EYS: variants seen among roughly 807,000 people sequenced by gnomAD.
The protein encoded by EYS is EGF-like photoreceptor maintenance factor, also known as protein eyes shut homolog.
EYS carries 250 observed loss-of-function variants against 282.1 expected under a neutral mutation model. That is an observed-to-expected ratio of 0.89 (90% CI 0.80 to 0.98). The LOEUF (loss-of-function observed/expected upper bound fraction) is 0.98, where lower values mean the gene tolerates loss of function less well. EYS is among the 50% of genes least tolerant of loss of function. The probability of loss-of-function intolerance (pLI) is 0.00; values close to 1 mark genes in which losing one functional copy is unlikely to be tolerated. For synonymous variants in EYS, 1,355 were observed against 1,282.9 expected, an observed-to-expected ratio of 1.06 and a Z score of -1.20; for missense variants, 4,016 against 3,709.0, an observed-to-expected ratio of 1.08 and a Z score of -2.15.
At chr6:65,249,435 T>G (rs1767261854) in intron 12 of EYS, among the ~76,000 whole-genome samples, 1 of 151,912 alleles carries the variant, frequency 6.6e-6, no homozygotes, top group Admixed American at 6.6e-5. Context: ...CAACTCCCAG[T>G]CCAGTATTTC....
intron 40 of EYS, among the ~76,000 whole-genome samples, chr6:63,773,163 G>A (rs1176694882): frequency 2.6e-5 from 4 of 152,106 alleles, no homozygotes; most frequent in Admixed American, 1.3e-4. Flanking sequence ...AAATTAGTTT[G>A]CTCTAATACA....
At chr6:65,102,438 A>G (rs1774920814) in intron 12 of EYS, among the ~76,000 whole-genome samples, 1 of 151,204 alleles carries the variant, frequency 6.6e-6, no homozygotes, top group African/African-American at 2.4e-5. Flanking sequence ...CCCAGTATTC[A>G]TTTCATTTTT....
intron 33 of EYS, among the ~76,000 whole-genome samples, chr6:64,037,674 G>A (rs1770186107): frequency 6.6e-6 from 1 of 152,102 alleles, no homozygotes; most frequent in African/African-American, 2.4e-5. Context: ...AGTAAACTAT[G>A]AAACAATGAA....
chr6:65,037,589 A>G (rs982297783), intron 13 of EYS, among the ~76,000 whole-genome samples: 19 of 151,820 alleles, frequency 1.3e-4, no homozygotes, highest in African/African-American at 4.6e-4. Flanking sequence ...ATTCATTGTA[A>G]CAATACGATA....
chr6:64,300,268 C>G (rs927655237), intron 30 of EYS, among the ~76,000 whole-genome samples: 1 of 152,120 alleles, frequency 6.6e-6, no homozygotes, highest in Non-Finnish European at 1.5e-5. Flanking sequence ...CCCAGGCCGA[C>G]AGGGGCCGCG....
chr6:65,706,022 T>A (rs10080559), intron 1 of EYS, among the ~76,000 whole-genome samples: 1 of 151,792 alleles, frequency 6.6e-6, no homozygotes, highest in Admixed American at 6.6e-5. Context: ...AAATATAGTA[T>A]GAAAATTAAC....
At chr6:65,604,529 T>A (rs1057385629) in intron 2 of EYS, among the ~76,000 whole-genome samples, 2 of 151,950 alleles carry the variant, frequency 1.3e-5, no homozygotes, top group African/African-American at 4.8e-5. Flanking sequence ...GTGTAGGTTA[T>A]ACATGTTTAT....
intron 7 of EYS, among the ~76,000 whole-genome samples, chr6:65,399,358 T>G (rs1766407850): frequency 6.6e-6 from 1 of 151,972 alleles, no homozygotes; most frequent in Admixed American, 6.6e-5. Context: ...AGTCAAGACC[T>G]TCCATTTCAA....
chr6:65,243,211 T>C (rs1411935451), intron 12 of EYS, among the ~76,000 whole-genome samples: 1 of 152,208 alleles, frequency 6.6e-6, no homozygotes, highest in Non-Finnish European at 1.5e-5. Context: ...ATTTTACAGG[T>C]ATACCTCAAA....
chr6:64,188,134 G>A (rs559237028), intron 31 of EYS, among the ~76,000 whole-genome samples: 6 of 151,928 alleles, frequency 3.9e-5, no homozygotes, highest in Middle Eastern at 3.4e-3. Flanking sequence ...ACATTTCATC[G>A]CTTTTCAGTC....
chr6:64,518,784 C>CCA (rs200893230), intron 26 of EYS, among the ~76,000 whole-genome samples: 2,278 of 150,670 alleles, frequency 0.015, 48 homozygotes, highest in African/African-American at 0.045. Context: ...TAAGGGGCCC[C>CCA]CCCCTTCTCA....
At chr6:64,463,555 T>C (rs1055667448) in intron 26 of EYS, among the ~76,000 whole-genome samples, 2 of 152,222 alleles carry the variant, frequency 1.3e-5, no homozygotes, top group Non-Finnish European at 2.9e-5. Flanking sequence ...ACTTTGAATA[T>C]TTGATATTTT....
intron 12 of EYS, among the ~76,000 whole-genome samples, chr6:65,188,583 C>A (rs768083586): frequency 1.3e-5 from 2 of 151,288 alleles, no homozygotes; most frequent in Non-Finnish European, 3.0e-5. Flanking sequence ...ATGCACACAG[C>A]AAAGGAGAAT....
intron 31 of EYS, among the ~76,000 whole-genome samples, chr6:64,109,871 G>A (rs1316619842): frequency 2.6e-5 from 4 of 152,040 alleles, no homozygotes; most frequent in Non-Finnish European, 5.9e-5. Flanking sequence ...GAAGTTGTTG[G>A]GTTCAAGTGT....
rs558282688 is a variant in EYS, at chr6:65,689,489, C to T, written c.-448+17646G>A. Among the ~76,000 whole-genome samples, 34 of 149,220 alleles carry T rather than the reference C, an allele frequency of 2.3e-4. 8 individuals are homozygous for T. The East Asian group carries it at 7.3e-3, about 32-fold the overall frequency. Reference sequence around the variant, plus strand: ...TGTATACGTATGTAACTAACCTGCACGTTGTGCACATGTACCCTAAAACTT... The same window carrying T: ...TGTATACGTATGTAACTAACCTGCATGTTGTGCACATGTACCCTAAAACTT... On this transcript the variant is annotated intron_variant, in intron 1 of 42. Transcript: ENST00000503581.
At chr6:63,739,911 G>C (rs1237058513) in intron 41 of EYS, among the ~76,000 whole-genome samples, 1 of 149,726 alleles carries the variant, frequency 6.7e-6, no homozygotes, top group Non-Finnish European at 1.5e-5. Context: ...TGTTAGCCAG[G>C]CTGGTCTCGA....
At chr6:63,876,573 G>A (rs1772978095) in intron 35 of EYS, among the ~76,000 whole-genome samples, 1 of 151,830 alleles carries the variant, frequency 6.6e-6, no homozygotes, top group African/African-American at 2.4e-5. Flanking sequence ...ACAGTGGGGT[G>A]TTAAAGTCTC....
intron 5 of EYS, among the ~76,000 whole-genome samples, chr6:65,416,126 T>G (rs1414384586): frequency 6.6e-6 from 1 of 151,906 alleles, no homozygotes; most frequent in African/African-American, 2.4e-5. Flanking sequence ...GGCTCAATAG[T>G]CTTTGTTGTT....
At chr6:64,261,852 G>A (rs906042564) in intron 30 of EYS, among the ~76,000 whole-genome samples, 2 of 151,642 alleles carry the variant, frequency 1.3e-5, no homozygotes, top group Admixed American at 6.6e-5. Flanking sequence ...CACTTCCCAG[G>A]GTCAAGGGCT....
Sources: gnomAD v4.1 joint callset for allele counts (sites outside exome capture counted in the v4.1 genomes callset) on GRCh38, gnomAD v4.1.1 for gene constraint, MANE v1.5 for transcripts, NCBI Gene and HGNC (gene_info 2026-07-23, HGNC 2026-07-21) for gene names.